Variants in WIPI2 observed in about 807,000 individuals in gnomAD.
WIPI2 encodes the protein WD repeat domain phosphoinositide-interacting protein 2.
Under a neutral mutation model 52.3 loss-of-function variants are expected in WIPI2, and 28 were observed. The observed-to-expected ratio is 0.54, with a 90% CI of 0.40 to 0.73. The LOEUF (loss-of-function observed/expected upper bound fraction) is 0.73. WIPI2 is among the 30% of genes least tolerant of loss of function. WIPI2 has a pLI of 0.00. For synonymous variants in WIPI2, 268 were observed against 245.0 expected (o/e 1.09, Z -0.88); for missense variants, 506 against 602.9 (o/e 0.84, Z 1.68).
chr7:5,226,140 C>G, intron 9 of WIPI2: 1 of 573,000 alleles, frequency 1.7e-6, no homozygotes, highest in Non-Finnish European at 3.2e-6. Flanking sequence ...CCACAGGCAG[C>G]ACGCAGGGTA....
intron 7 of WIPI2, among the ~76,000 whole-genome samples, chr7:5,220,152 A>G (rs1783037445): frequency 1.3e-5 from 2 of 151,856 alleles, no homozygotes; most frequent in African/African-American, 4.8e-5. Context: ...CTGATTTCTA[A>G]TAGCTGTATA....
rs28510502 is a variant in WIPI2 at position 5,227,359 on chromosome 7, C to A, written c.1013+15C>A. ...TCGCTAGCCACGTGAGTAGAGCCGG[C>A]GCCTCCGTCCCCCACCCCGTGTGCC... On this transcript the variant is annotated intron_variant, in intron 10 of 12. Coordinates refer to ENST00000288828, the MANE Select transcript of WIPI2 (RefSeq NM_015610.4). The surrounding 1 kb of genome is among the most constrained non-coding windows in gnomAD (Gnocchi z 8.1). 1 of 1,609,606 alleles carries A rather than the reference C, an allele frequency of 6.2e-7. No homozygotes were observed. Among genetic ancestry groups the A allele is most frequent in the Non-Finnish European group, 8.5e-7 (1 of 1,179,294 alleles).
At chr7:5,199,688 T>TA (rs200973486) in intron 3 of WIPI2, 30 bp downstream of exon 3, 125,951 of 1,270,714 alleles carry the variant, frequency 0.099, 3 homozygotes, top group Non-Finnish European at 0.11. Flanking sequence ...TTCCCCTTCT[T>TA]AAAAAAAAAA....
Position 5,230,727 on chromosome 7 carries a change from A to T in WIPI2, c.1253-108A>T. On this transcript the variant is annotated intron_variant, in intron 12 of 12. Transcript: ENST00000288828. The surrounding 1 kb of genome is among the most constrained non-coding windows in gnomAD (Gnocchi z 4.8). ...TTCAGAACGTCTTAGTACAGGCTTC[A>T]GTTTATAAATATACACCAGTGTTTC... is the stretch of plus-strand genomic sequence containing the variant. 1 of 699,702 alleles carries T rather than the reference A, an allele frequency of 1.4e-6. No homozygotes were observed. Among genetic ancestry groups the T allele is most frequent in the Non-Finnish European group, 2.3e-6 (1 of 439,284 alleles). The allele number at this position is 699,702 out of a possible 1,614,324, so 43.3% of individuals were successfully genotyped here. A position where few individuals can be genotyped will look rare whatever the true frequency, so the allele number is the denominator to read the frequency against.
Position 5,204,857 on chromosome 7 carries a change from TAA to T in WIPI2, c.211+5200_211+5201del, listed in dbSNP as rs909221285. ...CCACCATGCCCAGCTAATTTTTTTT[TAA>T]GAGTTGGGGTCTCACTGTGTTGCCA... is the stretch of plus-strand genomic sequence containing the variant. On this transcript the variant is annotated intron_variant, in intron 3 of 12. Transcript: ENST00000288828. Among the ~76,000 whole-genome samples, 14 of 152,168 alleles carry T rather than the reference TAA, an allele frequency of 9.2e-5. 1 individual carries two copies. The highest frequency in any genetic ancestry group is 4.4e-5 in the Non-Finnish European group (3 of 68,022).
intron 2 of WIPI2, 40 bp from the exon 3 acceptor site, chr7:5,199,536 C>A: frequency 6.4e-7 from 1 of 1,563,054 alleles, no homozygotes; most frequent in African/African-American, 1.4e-5. Flanking sequence ...TCACTGTCTG[C>A]ACGTATCAGC....
chr7:5,231,831 C>G lies in WIPI2; in HGVS notation c.*884C>G. The G allele has an allele frequency of 4.8e-6, 1 of 206,882 alleles. No individual in the cohort carries two copies. The highest frequency in any genetic ancestry group is 1.0e-4 in the East Asian group (1 of 9,778). 12.8% of individuals were successfully genotyped at this position (206,882 alleles called of 1,614,324 possible). ...AACTCAAGTGTGGTGGCCGTCTGAG[C>G]TGTCCTTTCGCTGGCCCCGCTGTCC... On this transcript the variant is annotated 3_prime_UTR_variant, in exon 13 of 13. Transcript: ENST00000288828.
chr7:5,221,648 A>G (rs1186593039), intron 7 of WIPI2, among the ~76,000 whole-genome samples: 3 of 152,196 alleles, frequency 2.0e-5, no homozygotes, highest in African/African-American at 7.2e-5. Flanking sequence ...TGTCTGTCTC[A>G]TCATCCACAG....
At chr7:5,203,625 C>CT (rs10709311) in intron 3 of WIPI2, among the ~76,000 whole-genome samples, 3,362 of 66,010 alleles carry the variant, frequency 0.051, 101 homozygotes, top group Non-Finnish European at 0.062. Context: ...TACGTTCAGC[C>CT]TTTTTTTTTT....
chr7:5,196,875 G>T lies in WIPI2; in HGVS notation c.129-2701G>T, dbSNP rs575506064. Among the ~76,000 whole-genome samples the T allele has an allele frequency of 5.3e-5, 8 of 152,106 alleles. No individual in the cohort carries two copies. The South Asian group carries it at 1.7e-3, about 32-fold the overall frequency. On this transcript the variant is annotated intron_variant, in intron 2 of 12. Coordinates refer to ENST00000288828, the MANE Select transcript of WIPI2 (RefSeq NM_015610.4). Reference sequence around the variant, plus strand: ...ACCTGTAATCCCAGCACTTTGGGAGGCCGAGGCAAGTGGATCACCTAAGGT... The same window carrying T: ...ACCTGTAATCCCAGCACTTTGGGAGTCCGAGGCAAGTGGATCACCTAAGGT...
chr7:5,224,384 G>A (rs1193338427), intron 8 of WIPI2, among the ~76,000 whole-genome samples: 1 of 152,140 alleles, frequency 6.6e-6, no homozygotes, highest in East Asian at 1.9e-4. Context: ...CTTTGCCTGT[G>A]GCAAATGGAA....
chr7:5,193,089 T>A, intron 1 of WIPI2, 29 bp from the exon 2 acceptor site: 1 of 1,601,900 alleles, frequency 6.2e-7, no homozygotes, highest in Non-Finnish European at 8.5e-7. Flanking sequence ...TACCATTTGT[T>A]TTTTGTTTTG....
chr7:5,198,383 C>A (rs189136221), intron 2 of WIPI2, among the ~76,000 whole-genome samples: 2 of 151,848 alleles, frequency 1.3e-5, no homozygotes, highest in Non-Finnish European at 1.5e-5. Context: ...GCGCAATCTC[C>A]GCTCACTGCA....
intron 7 of WIPI2, among the ~76,000 whole-genome samples, chr7:5,221,137 A>G (rs1433413356): frequency 6.6e-6 from 1 of 151,236 alleles, no homozygotes; most frequent in Non-Finnish European, 1.5e-5. Flanking sequence ...CTAATTTTGT[A>G]TTTTTAGTAG....
rs1783471279 is a variant in WIPI2, at chr7:5,227,080, T to G, written c.849-100T>G. On this transcript the variant is annotated intron_variant, in intron 9 of 12. Coordinates refer to ENST00000288828, the MANE Select transcript of WIPI2 (RefSeq NM_015610.4). The surrounding 1 kb of genome is among the most constrained non-coding windows in gnomAD (Gnocchi z 8.1). ...TAATTTTCCTGTGAAGAATGGAGAC[T>G]TTTGCTGTCGGCTCCAGAGCTGTGC... 6.7e-7 allele frequency: 1 copy of G among 1,492,860 alleles called. No homozygotes were observed. The highest frequency in any genetic ancestry group is 1.4e-5 in the African/African-American group (1 of 71,648). 92.5% of individuals were successfully genotyped at this position (1,492,860 alleles called of 1,614,324 possible).
chr7:5,209,943 T>G (rs1782473049), intron 3 of WIPI2, among the ~76,000 whole-genome samples: 2 of 152,298 alleles, frequency 1.3e-5, no homozygotes, highest in South Asian at 4.1e-4. Context: ...AGTCTCGTTG[T>G]GCTGCCCATG....
At position 5,216,571 on chromosome 7, in the gene WIPI2, A is replaced by T. The variant is rs112860446; in HGVS notation, c.390A>T (p.Ile130=). The change falls in exon 5 of 13, where the codon ATA becomes ATT. Residue 130 remains isoleucine, a synonymous_variant. Coordinates refer to ENST00000288828, the MANE Select transcript of WIPI2 (RefSeq NM_015610.4). ...TTTTGTCTCTCGCCTAGAGGCTGAT[A>T]GTATGCCTGGAGGAGTCCCTGTACA... The part of the protein sequence containing the change: ...LAVKLNRQRL[I]VCLEESLYIH... 1.1e-4 allele frequency: 171 copies of T among 1,614,146 alleles called. 1 individual carries two copies. The African/African-American group carries it at 1.9e-3, about 18-fold the overall frequency.
At position 5,214,524 on chromosome 7, in the gene WIPI2, T is replaced by C. The variant is rs766313331; in HGVS notation, c.212-11T>C. ...AGATGTTCACGCATGTACTTCCCTT[T>C]GTGATTTCAGCCGATACGGAAGATG... On this transcript the variant is annotated splice_polypyrimidine_tract_variant and intron_variant, in intron 3 of 12. Coordinates refer to ENST00000288828, the MANE Select transcript of WIPI2 (RefSeq NM_015610.4). 4 of 1,614,220 alleles carry C rather than the reference T, an allele frequency of 2.5e-6. No homozygotes were observed. The South Asian group carries it at 3.3e-5, about 13-fold the overall frequency.
At chr7:5,214,312 C>T (rs762030707) in intron 3 of WIPI2, 8 of 1,546,292 alleles carry the variant, frequency 5.2e-6, no homozygotes, top group East Asian at 4.6e-5. Context: ...TGTGAATGCT[C>T]GTGAGGGGCC....
Sources: gnomAD v4.1 joint callset for allele counts (sites outside exome capture counted in the v4.1 genomes callset) on GRCh38, gnomAD v4.1.1 for gene constraint, Gnocchi (gnomAD v3.1) non-coding constraint, MANE v1.5 for transcripts, NCBI Gene and HGNC (gene_info 2026-07-23, HGNC 2026-07-21) for gene names.